Variants in GPD2 observed in about 807,000 individuals in gnomAD.
GPD2 encodes the protein glycerol-3-phosphate dehydrogenase, mitochondrial.
A neutral mutation model predicts 82.4 loss-of-function variants in GPD2; 54 were observed. The ratio of observed to expected loss-of-function variants is 0.66; its 90% CI spans 0.53 to 0.82. The LOEUF (loss-of-function observed/expected upper bound fraction) is 0.82, where lower values mean the gene tolerates loss of function less well. GPD2 is among the 40% of genes least tolerant of loss of function. The probability of loss-of-function intolerance (pLI) is 0.00; values close to 1 mark genes in which losing one functional copy is unlikely to be tolerated. For synonymous variants in GPD2, 288 were observed against 306.1 expected (o/e 0.94, Z 0.62); for missense variants, 748 against 896.2 (o/e 0.83, Z 2.11).
the GPD2 span, among the ~76,000 whole-genome samples, chr2:156,410,295 T>C: frequency 6.6e-6 from 1 of 152,276 alleles, no homozygotes; most frequent in East Asian, 1.9e-4. Flanking sequence ...TGTAGTTCTA[T>C]TTTCATGACT....
the GPD2 span, among the ~76,000 whole-genome samples, chr2:156,409,852 GTTGAGGCAGGAGGATCCC>G: frequency 6.6e-6 from 1 of 152,162 alleles, no homozygotes; most frequent in African/African-American, 2.4e-5. Context: ...ATTTTGGGAG[GTTGAGGCAGGAGGATCCC>G]TTGAGGCCAG....
intron 1 of GPD2, among the ~76,000 whole-genome samples, chr2:156,468,070 TC>T (rs1217997799): frequency 1.3e-5 from 2 of 152,176 alleles, no homozygotes; most frequent in Non-Finnish European, 2.9e-5. Context: ...GTTTGGTGTG[TC>T]TGAACTATGA....
At chr2:156,570,254 C>T in intron 12 of GPD2, 36 bp downstream of exon 12, 2 of 1,575,358 alleles carry the variant, frequency 1.3e-6, no homozygotes, top group East Asian at 2.2e-5. Context: ...TCATGTCTGC[C>T]ATGGGATACC....
chr2:156,401,139 T>G, the GPD2 span, among the ~76,000 whole-genome samples: 3 of 152,220 alleles, frequency 2.0e-5, no homozygotes, highest in East Asian at 5.8e-4. Flanking sequence ...AAACTAGAAG[T>G]CAAAACTTGC....
chr2:156,573,396 G>T (rs1687707987), intron 13 of GPD2, among the ~76,000 whole-genome samples: 1 of 152,118 alleles, frequency 6.6e-6, no homozygotes, highest in Non-Finnish European at 1.5e-5. Context: ...TTGAGCTTTA[G>T]TTTGATTAGC....
At chr2:156,415,198 G>C in the GPD2 span, among the ~76,000 whole-genome samples, 1 of 146,346 alleles carries the variant, frequency 6.8e-6, no homozygotes, top group African/African-American at 2.5e-5. Flanking sequence ...TTGCTCAGTG[G>C]ACCAGGCTGG....
chr2:156,481,936 G>A (rs1558920182), intron 2 of GPD2, among the ~76,000 whole-genome samples: 1 of 152,116 alleles, frequency 6.6e-6, no homozygotes, highest in Non-Finnish European at 1.5e-5. Context: ...GTGACTATAG[G>A]TGATTTTCTT....
the GPD2 span, among the ~76,000 whole-genome samples, chr2:156,421,190 T>A: frequency 1.3e-5 from 2 of 152,218 alleles, no homozygotes; most frequent in Non-Finnish European, 2.9e-5. Context: ...TTGTTCAATA[T>A]GGTGTAGTCT....
intron 9 of GPD2, among the ~76,000 whole-genome samples, chr2:156,564,238 C>T (rs544057244): frequency 3.6e-4 from 55 of 152,268 alleles, no homozygotes; most frequent in African/African-American, 1.2e-3. Flanking sequence ...TATCTTCACT[C>T]TGCCATCCTC....
chr2:156,446,836 G>A (rs571094079), intron 1 of GPD2, among the ~76,000 whole-genome samples: 6 of 152,334 alleles, frequency 3.9e-5, no homozygotes, highest in African/African-American at 7.2e-5. Flanking sequence ...TCACAGACAT[G>A]AGCCACAGCA....
At chr2:156,450,172 G>A (rs565346729) in intron 1 of GPD2, among the ~76,000 whole-genome samples, 1 of 152,322 alleles carries the variant, frequency 6.6e-6, no homozygotes, top group East Asian at 1.9e-4. Flanking sequence ...ACTGAGAAGG[G>A]GAGAGCTGGG....
chr2:156,425,269 T>C, the GPD2 span, among the ~76,000 whole-genome samples: 1 of 152,134 alleles, frequency 6.6e-6, no homozygotes, highest in African/African-American at 2.4e-5. Flanking sequence ...TGGCTAATTT[T>C]TTTATTTTAC....
At position 156,454,206 on chromosome 2, in the gene GPD2, C is replaced by G. The variant is rs556193163; in HGVS notation, c.-9+17693C>G. 3.9e-5 allele frequency among the ~76,000 whole-genome samples: 6 copies of G among 152,232 alleles called. No homozygotes were observed. The South Asian group carries it at 1.2e-3, about 32-fold the overall frequency. ...ATGGTAACCTGCTGATGTCGGTGTT[C>G]CATCAGGAGCAGGGTTCTGGGGGCC... On this transcript the variant is annotated intron_variant, in intron 1 of 16. Transcript: ENST00000438166.
chr2:156,409,587 CTACTCAGGAG>C, the GPD2 span, among the ~76,000 whole-genome samples: 2 of 151,882 alleles, frequency 1.3e-5, no homozygotes. Flanking sequence ...GTAGTCCTAG[CTACTCAGGAG>C]GCTGAGGTGG....
chr2:156,400,789 G>A, the GPD2 span, among the ~76,000 whole-genome samples: 1 of 152,242 alleles, frequency 6.6e-6, no homozygotes, highest in East Asian at 1.9e-4. Flanking sequence ...CTCAGTGGTA[G>A]AGCGCGCGCT....
At chr2:156,559,725 A>T (rs1687099381) in intron 9 of GPD2, among the ~76,000 whole-genome samples, 1 of 152,242 alleles carries the variant, frequency 6.6e-6, no homozygotes, top group African/African-American at 2.4e-5. Flanking sequence ...AAGATACTAA[A>T]TACATATCAT....
upstream of GPD2, among the ~76,000 whole-genome samples, chr2:156,431,980 G>C (rs1034438267): frequency 6.9e-6 from 1 of 145,976 alleles, no homozygotes; most frequent in Non-Finnish European, 1.5e-5. Context: ...TCTGCCTCCC[G>C]GGTTCAAGCA....
At chr2:156,494,426 C>T (rs1478528098) in intron 2 of GPD2, among the ~76,000 whole-genome samples, 1 of 152,176 alleles carries the variant, frequency 6.6e-6, no homozygotes, top group Admixed American at 6.5e-5. Flanking sequence ...AGTTACATTG[C>T]TGGTAACCAG....
At chr2:156,466,706 A>G (rs1264260005) in intron 1 of GPD2, among the ~76,000 whole-genome samples, 1 of 152,216 alleles carries the variant, frequency 6.6e-6, no homozygotes, top group Non-Finnish European at 1.5e-5. Flanking sequence ...ACATTATTAA[A>G]CTTAACCCCC....
Sources: allele counts gnomAD v4.1 joint callset (sites outside exome capture counted in the v4.1 genomes callset), GRCh38; gene constraint gnomAD v4.1.1; transcripts MANE v1.5; gene names NCBI Gene and HGNC (gene_info 2026-07-23, HGNC 2026-07-21).